The following GTPBP2 variants were observed in gnomAD, a reference collection of about 807,000 sequenced individuals.
The protein encoded by GTPBP2 is GTP binding protein 2, also known as GTP-binding protein 2.
GTPBP2 carries 32 observed loss-of-function variants against 63.0 expected under a neutral mutation model. The observed-to-expected ratio is 0.51, with a 90% confidence interval of 0.38 to 0.68. The LOEUF (loss-of-function observed/expected upper bound fraction) is 0.68. Ranked by LOEUF, GTPBP2 falls within the 30% of genes least tolerant of loss-of-function variation. The probability of loss-of-function intolerance (pLI) is 0.00; values close to 1 mark genes in which losing one functional copy is unlikely to be tolerated. For missense variants in GTPBP2, 492 were observed against 796.9 expected (o/e 0.62, Z 4.61); for synonymous variants, 310 against 322.6 (o/e 0.96, Z 0.42).
At chr6:43,621,897 AGT>A (rs1768761823) in intron 11 of GTPBP2, 104 bp downstream of exon 11, 1 of 1,594,854 alleles carries the variant, frequency 6.3e-7, no homozygotes, top group Non-Finnish European at 8.6e-7. Flanking sequence ...ACCCACCCTA[AGT>A]GGGGTTTTAT....
intron 1 of GTPBP2, chr6:43,627,304 C>A: frequency 1.1e-5 from 12 of 1,070,950 alleles, no homozygotes; most frequent in Non-Finnish European, 1.4e-5. Flanking sequence ...GTCTATGTCT[C>A]CTCTGTGCCC....
rs746626189 is a variant in GTPBP2, at chr6:43,623,812, C to T, written c.1237-17G>A. 1.1e-5 allele frequency: 17 copies of T among 1,608,630 alleles called. No homozygotes were observed. The highest frequency in any genetic ancestry group is 1.6e-4 in the Middle Eastern group (1 of 6,074). On this transcript the variant is annotated splice_polypyrimidine_tract_variant and intron_variant, in intron 8 of 11. Coordinates refer to ENST00000307126, the MANE Select transcript of GTPBP2 (RefSeq NM_019096.5). The stretch of plus-strand genomic sequence containing the variant: ...TTCATCCACCTGAAGCCAAAGAAAA[C>T]GCTATCAATGGCCTGCCAAGTAGGG...
rs1168934198 is a variant in GTPBP2, at chr6:43,626,873, G to C, written c.213+49C>G. The C allele has an allele frequency of 7.1e-7, 1 of 1,411,360 alleles. No homozygotes were observed. The highest frequency in any genetic ancestry group is 1.4e-5 in the African/African-American group (1 of 69,072). 87.4% of individuals were successfully genotyped at this position (1,411,360 alleles called of 1,614,324 possible). ...AGAAAAAAGAAATTATCCCACACTG[G>C]CAAGGACAACCTACCCCAGCCCCTG... On this transcript the variant is annotated intron_variant, in intron 2 of 11. Coordinates refer to ENST00000307126, the MANE Select transcript of GTPBP2 (RefSeq NM_019096.5). This position sits in a 1 kb window ranked among gnomAD's most constrained non-coding sequence, Gnocchi z 4.0.
chr6:43,629,285 C>G, upstream of GTPBP2: 9 of 715,926 alleles, frequency 1.3e-5, no homozygotes, highest in Non-Finnish European at 1.0e-5. Context: ...TCTGCACAAG[C>G]TACGCCCCCC....
chr6:43,627,622 C>T (rs565638710), intron 1 of GTPBP2, among the ~76,000 whole-genome samples: 1 of 152,342 alleles, frequency 6.6e-6, no homozygotes, highest in East Asian at 1.9e-4. Context: ...GAATCCACCC[C>T]ACAGTCTCTT....
chr6:43,626,410 A>G lies in GTPBP2; in HGVS notation c.214T>C (p.Leu72=). 6.2e-7 allele frequency: 1 copy of G among 1,613,588 alleles called. No individual in the cohort carries two copies. Among genetic ancestry groups the G allele is most frequent in the South Asian group, 1.1e-5 (1 of 91,062 alleles). Residue 72 remains leucine (L), a splice_region_variant and synonymous_variant, in exon 3 of 12, where the codon TTG becomes CTG. Transcript: ENST00000307126. The surrounding 1 kb of genome is among the most constrained non-coding windows in gnomAD (Gnocchi z 4.0). ...TACTGGGATGGATTCACCAGCTTCA[A>G]CTTAGGGCAAGTGGGGTATCATAAG... is the stretch of plus-strand genomic sequence containing the variant. ...EAEDGNIEYK[L]KLVNPSQYRF...
In GTPBP2 at chr6:43,624,837, A is replaced by T. The variant is rs547488707; in HGVS notation, c.880+51T>A. ...GTCTCCAAGATTTGAGGCCCAGGGT[A>T]GGAGAGTCAGCACCCCCCTTCAGCC... On this transcript the variant is annotated intron_variant, in intron 6 of 11. Coordinates refer to ENST00000307126, the MANE Select transcript of GTPBP2 (RefSeq NM_019096.5). This position sits in a 1 kb window ranked among gnomAD's most constrained non-coding sequence, Gnocchi z 5.1. The T allele has an allele frequency of 6.3e-6, 10 of 1,594,730 alleles. No homozygotes were observed. Among genetic ancestry groups the T allele is most frequent in the Non-Finnish European group, 8.6e-6 (10 of 1,163,172 alleles).
intron 1 of GTPBP2, chr6:43,628,536 G>A (rs1422862768): frequency 2.1e-6 from 2 of 964,200 alleles, no homozygotes; most frequent in African/African-American, 1.8e-5. Context: ...CCCGAGTACT[G>A]TGTGTGTGTC....
chr6:43,622,086 T>G lies in GTPBP2; in HGVS notation c.1549A>C (p.Thr517Pro). 6.2e-7 allele frequency: 1 copy of G among 1,614,068 alleles called. No homozygotes were observed. The highest frequency in any genetic ancestry group is 8.5e-7 in the Non-Finnish European group (1 of 1,179,948). The part of the protein sequence containing the change: ...EAEIVLLFHA[T>P]TFRRGFQVTV... ...ACCTGGAATCCTCGTCGGAAGGTGG[T>G]GGCATGGAACAGTAAGACTATCTCT... The change falls in exon 11 of 12, where the codon ACC becomes CCC. Residue 517 changes from threonine to proline, a missense_variant. By Grantham distance (38) the Thr-to-Pro change is conservative (BLOSUM62 -1). This residue lies in a region of GTPBP2 where 400 missense variants were observed against 710.8 expected (regional missense o/e 0.56). Transcript: ENST00000307126. This position sits in a 1 kb window ranked among gnomAD's most constrained non-coding sequence, Gnocchi z 5.4.
intron 1 of GTPBP2, among the ~76,000 whole-genome samples, chr6:43,628,277 T>A (rs1384460452): frequency 1.3e-5 from 2 of 151,892 alleles, no homozygotes; most frequent in East Asian, 3.9e-4. Flanking sequence ...AGCAGAAGAA[T>A]CGCTTGAGAA....
In GTPBP2 at chr6:43,626,341, C is replaced by A; in HGVS notation, c.283G>T (p.Glu95Ter). 6.2e-7 allele frequency: 1 copy of A among 1,614,214 alleles called. No homozygotes were observed. The highest frequency in any genetic ancestry group is 8.5e-7 in the Non-Finnish European group (1 of 1,180,024). ...LVTQMKWRLQ[E>*]GRGEAVYQIG... is the part of the protein sequence containing the mutation. ...TGGTAGACGGCCTCACCACGTCCCT[C>A]CTGGAGCCGCCACTTCATTTGTGTC... The change falls in exon 3 of 12, where the codon GAG (glutamate) becomes TAG (stop). Residue 95 changes from glutamate (E) to a stop codon, truncating the protein, a stop_gained. Transcript: ENST00000307126. LOFTEE classifies it high-confidence loss of function. This position sits in a 1 kb window ranked among gnomAD's most constrained non-coding sequence, Gnocchi z 4.0.
upstream of GTPBP2, among the ~76,000 whole-genome samples, chr6:43,630,927 A>AAAG (rs1321289121): frequency 2.0e-5 from 3 of 151,378 alleles, no homozygotes; most frequent in African/African-American, 7.3e-5. Context: ...AAAAAAAAAA[A>AAAG]AAAAGAAAGA....
At position 43,626,883 on chromosome 6, in the gene GTPBP2, C is replaced by T. The variant is rs747198078; in HGVS notation, c.213+39G>A. 1.3e-6 allele frequency: 2 copies of T among 1,511,436 alleles called. No homozygotes were observed. The highest frequency in any genetic ancestry group is 1.8e-6 in the Non-Finnish European group (2 of 1,104,312). The allele number at this position is 1,511,436 out of a possible 1,614,324, so 93.6% of individuals were successfully genotyped here. A position where few individuals can be genotyped will look rare whatever the true frequency, so the allele number is the denominator to read the frequency against. Reference sequence around the variant, plus strand: ...AATTATCCCACACTGGCAAGGACAACCTACCCCAGCCCCTGCTTTTCCCCA... The same window carrying T: ...AATTATCCCACACTGGCAAGGACAATCTACCCCAGCCCCTGCTTTTCCCCA... On this transcript the variant is annotated intron_variant, in intron 2 of 11. Transcript: ENST00000307126. This position sits in a 1 kb window ranked among gnomAD's most constrained non-coding sequence, Gnocchi z 4.0.
In GTPBP2 at chr6:43,629,196, C is replaced by G; in HGVS notation, c.-34G>C. 2 of 1,318,306 alleles carry G rather than the reference C, an allele frequency of 1.5e-6. No individual in the cohort carries two copies. The highest frequency in any genetic ancestry group is 2.0e-5 in the South Asian group (1 of 49,944). 81.7% of individuals were successfully genotyped at this position (1,318,306 alleles called of 1,614,324 possible). A position where few individuals can be genotyped will look rare whatever the true frequency, so the allele number is the denominator to read the frequency against. ...GCCGCCAGCCCCCCGCCCGGCCCCT[C>G]CCCCGACCGCCGCCGCCGTCGCCGC... On this transcript the variant is annotated 5_prime_UTR_variant, in exon 1 of 12. Transcript: ENST00000307126.
Position 43,624,192 on chromosome 6 carries a change from G to GGCTCA in GTPBP2, c.1101-129_1101-125dup, listed in dbSNP as rs1769087242. 1 of 805,602 alleles carries GGCTCA rather than the reference G, an allele frequency of 1.2e-6. No individual in the cohort carries two copies. The highest frequency in any genetic ancestry group is 1.9e-6 in the Non-Finnish European group (1 of 515,566). The allele number at this position is 805,602 out of a possible 1,614,324, so 49.9% of individuals were successfully genotyped here. A position where few individuals can be genotyped will look rare whatever the true frequency, so the allele number is the denominator to read the frequency against. ...GGGCCCCTCTCTCCTGTCTGCAAATGGCTCAGGAACTCTGGGCCTTCTTGT... is the reference window on the plus strand; with the variant it reads ...GGGCCCCTCTCTCCTGTCTGCAAATGGCTCAGCTCAGGAACTCTGGGCCTTCTTGT... On this transcript the variant is annotated intron_variant, in intron 7 of 11. Coordinates refer to ENST00000307126, the MANE Select transcript of GTPBP2 (RefSeq NM_019096.5). This position sits in a 1 kb window ranked among gnomAD's most constrained non-coding sequence, Gnocchi z 5.1.
chr6:43,626,324 G>A lies in GTPBP2; in HGVS notation c.300C>T (p.Ala100=), dbSNP rs776703349. 1.1e-5 allele frequency: 17 copies of A among 1,614,008 alleles called. No individual in the cohort carries two copies. Among genetic ancestry groups the A allele is most frequent in the African/African-American group, 2.7e-5 (2 of 74,928 alleles). The change falls in exon 3 of 12, where the codon GCC becomes GCT. Residue 100 remains alanine, a synonymous_variant. Coordinates refer to ENST00000307126, the MANE Select transcript of GTPBP2 (RefSeq NM_019096.5). The surrounding 1 kb of genome is among the most constrained non-coding windows in gnomAD (Gnocchi z 4.0). Reference sequence around the variant, plus strand: ...TGTCCTCTACCCCAATCTGGTAGACGGCCTCACCACGTCCCTCCTGGAGCC... The same window carrying A: ...TGTCCTCTACCCCAATCTGGTAGACAGCCTCACCACGTCCCTCCTGGAGCC... ...KWRLQEGRGE[A]VYQIGVEDNG... is the part of the protein sequence containing the mutation.
chr6:43,626,688 C>G lies in GTPBP2; in HGVS notation c.213+234G>C, dbSNP rs753912881. Among the ~76,000 whole-genome samples the G allele has an allele frequency of 3.3e-5, 5 of 152,076 alleles. No homozygotes were observed. The highest frequency in any genetic ancestry group is 5.9e-5 in the Non-Finnish European group (4 of 68,016). On this transcript the variant is annotated intron_variant, in intron 2 of 11. Transcript: ENST00000307126. The surrounding 1 kb of genome is among the most constrained non-coding windows in gnomAD (Gnocchi z 4.0). ...ACCAGCCTGACCAACATGGAGAAAC[C>G]TCATCTCTACTAAAAATACAAAATT...
In GTPBP2 at chr6:43,624,855, C is replaced by A; in HGVS notation, c.880+33G>T. On this transcript the variant is annotated intron_variant, in intron 6 of 11. Coordinates refer to ENST00000307126, the MANE Select transcript of GTPBP2 (RefSeq NM_019096.5). This position sits in a 1 kb window ranked among gnomAD's most constrained non-coding sequence, Gnocchi z 5.1. ...CCAGGGTAGGAGAGTCAGCACCCCC[C>A]TTCAGCCCTGTCCCTGCCCTAATGC... 1 of 1,609,740 alleles carries A rather than the reference C, an allele frequency of 6.2e-7. No individual in the cohort carries two copies. The highest frequency in any genetic ancestry group is 2.2e-5 in the East Asian group (1 of 44,844).
chr6:43,625,069 C>T lies in GTPBP2; in HGVS notation c.706-7G>A. ...AGTCGCTGTAATTCACCACCTGGCC[C>T]AGGGCCCAGGGCCCTCAGTGCCTCC... On this transcript the variant is annotated splice_polypyrimidine_tract_variant and splice_region_variant and intron_variant, in intron 5 of 11. Transcript: ENST00000307126. The surrounding 1 kb of genome is among the most constrained non-coding windows in gnomAD (Gnocchi z 5.1). 6.2e-7 allele frequency: 1 copy of T among 1,612,586 alleles called. No homozygotes were observed. The highest frequency in any genetic ancestry group is 2.2e-5 in the East Asian group (1 of 44,864).
Sources: gnomAD v4.1 joint callset for allele counts (sites outside exome capture counted in the v4.1 genomes callset) on GRCh38, gnomAD v4.1.1 for gene constraint, gnomAD v4.1.1 regional missense constraint, Gnocchi (gnomAD v3.1) non-coding constraint, MANE v1.5 for transcripts, NCBI Gene and HGNC (gene_info 2026-07-23, HGNC 2026-07-21) for gene names.